CAPN9: variants seen among roughly 807,000 people sequenced by gnomAD.
The protein encoded by CAPN9 is calpain-9.
A neutral mutation model predicts 92.8 loss-of-function variants in CAPN9; 81 were observed. That is an observed-to-expected ratio of 0.87 (90% CI 0.73 to 1.05). The LOEUF (loss-of-function observed/expected upper bound fraction) is 1.05. Among genes scored for constraint, CAPN9 ranks in the 50% least tolerant of loss-of-function variants. The pLI, the probability that CAPN9 is intolerant of heterozygous loss-of-function variation, is 0.00. For synonymous variants in CAPN9, 304 were observed against 328.0 expected (o/e 0.93, Z 0.79); for missense variants, 848 against 866.2 (o/e 0.98, Z 0.26).
chr1:230,769,319 C>T (rs1666227230), intron 6 of CAPN9, 56 bp downstream of exon 6: 1 of 1,250,206 alleles, frequency 8.0e-7, no homozygotes, highest in African/African-American at 1.5e-5. Flanking sequence ...CAATGCTAAT[C>T]CCTTAGGCAT....
At chr1:230,780,765 G>A in intron 11 of CAPN9, 57 bp downstream of exon 11, 1 of 1,428,574 alleles carries the variant, frequency 7.0e-7, no homozygotes. Flanking sequence ...TATTCACACA[G>A]AAGTCACCTG....
chr1:230,801,447 G>A (rs1223932457), intron 19 of CAPN9, 123 bp from the exon 20 acceptor site: 2 of 889,362 alleles, frequency 2.2e-6, no homozygotes, highest in East Asian at 4.8e-5. Flanking sequence ...ATCCAAGTTG[G>A]CAGGCAAAAT....
intron 11 of CAPN9, 43 bp downstream of exon 11, chr1:230,780,751 G>T: frequency 6.5e-7 from 1 of 1,546,102 alleles, no homozygotes; most frequent in South Asian, 1.1e-5. Context: ...TTCTTTTAGT[G>T]GTTTATTCAC....
At position 230,800,293 on chromosome 1, in the gene CAPN9, A is replaced by C. The variant is rs1007635943; in HGVS notation, c.2047-1277A>C. ...AAGAAAGAAAGAAAGAAAGAAAGAA[A>C]GAAAGAAAGAAAGGAAAAACAAGAG... On this transcript the variant is annotated intron_variant, in intron 19 of 19. Transcript: ENST00000271971. Among the ~76,000 whole-genome samples, 194 of 112,106 alleles carry C rather than the reference A, an allele frequency of 1.7e-3. 7 individuals carry two copies. The highest frequency in any genetic ancestry group is 1.8e-3 in the Admixed American group (20 of 11,292). The allele number at this position is 112,106 out of a possible 152,430, so 73.5% of individuals were successfully genotyped here.
intron 1 of CAPN9, among the ~76,000 whole-genome samples, chr1:230,751,667 GAAAGAA>G (rs1338947796): frequency 0.021 from 1,295 of 61,696 alleles, 88 homozygotes; most frequent in African/African-American, 0.048. Context: ...AAGAAAGAAA[GAAAGAA>G]AGAAAGAAAG....
At position 230,772,087 on chromosome 1, in the gene CAPN9, C is replaced by G; in HGVS notation, c.863C>G (p.Ser288Trp). The change falls in exon 7 of 20, where the codon TCG becomes TGG. Residue 288 changes from serine (S) to tryptophan (W), a missense_variant. Physicochemically the swap from Ser to Trp is radical, Grantham distance 177 (BLOSUM62 -3). Transcript: ENST00000271971. Reference protein sequence around the residue: ...NPWGQVEWNGSWSDSSPEWRS... With the variant: ...NPWGQVEWNGWWSDSSPEWRS... ...TGGGGCCAGGTTGAGTGGAACGGGT[C>G]GTGGAGCGACAGGTCAGTCACCCTA... is the stretch of plus-strand genomic sequence containing the variant. The G allele has an allele frequency of 2.5e-6, 4 of 1,614,134 alleles. No homozygotes were observed. Among genetic ancestry groups the G allele is most frequent in the Non-Finnish European group, 3.4e-6 (4 of 1,179,964 alleles).
chr1:230,782,253 G>C (rs1465808238), intron 11 of CAPN9, among the ~76,000 whole-genome samples: 1 of 152,204 alleles, frequency 6.6e-6, no homozygotes, highest in Non-Finnish European at 1.5e-5. Context: ...AATCAGCTCT[G>C]TAGCTTGGTA....
chr1:230,790,029 C>T (rs763172243), intron 13 of CAPN9, 103 bp from the exon 14 acceptor site: 1 of 903,746 alleles, frequency 1.1e-6, no homozygotes, highest in East Asian at 2.6e-5. Context: ...GAAGGCTGGT[C>T]TGTCACTGGA....
At chr1:230,790,306 A>C in intron 14 of CAPN9, 117 bp downstream of exon 14, 1 of 1,400,752 alleles carries the variant, frequency 7.1e-7, no homozygotes, top group Non-Finnish European at 9.3e-7. Context: ...GCTGATTTGT[A>C]GGTAGACTTT....
intron 2 of CAPN9, 99 bp downstream of exon 2, chr1:230,755,505 G>A (rs917506303): frequency 4.4e-5 from 37 of 841,774 alleles, no homozygotes; most frequent in Non-Finnish European, 6.6e-5. Flanking sequence ...AGAGGCACGG[G>A]GCTGGGGGAA....
chr1:230,769,401 G>T, intron 6 of CAPN9, 138 bp downstream of exon 6: 1 of 638,842 alleles, frequency 1.6e-6, no homozygotes. Context: ...AAAGAGGCAG[G>T]CTGGAATTCA....
At chr1:230,766,658 G>T (rs994283143) in intron 4 of CAPN9, among the ~76,000 whole-genome samples, 1 of 152,190 alleles carries the variant, frequency 6.6e-6, no homozygotes, top group Non-Finnish European at 1.5e-5. Flanking sequence ...AACTAAAGAA[G>T]CCCAAATAAG....
intron 12 of CAPN9, among the ~76,000 whole-genome samples, chr1:230,787,205 T>C (rs12038826): frequency 0.07 from 10,605 of 152,222 alleles, 399 homozygotes; most frequent in African/African-American, 0.087. Flanking sequence ...TGGTAAGAAG[T>C]AAGCCAGAGG....
In CAPN9 at chr1:230,792,224, G is replaced by A. The variant is rs12739697; in HGVS notation, c.1723-202G>A. 0.032 allele frequency among the ~76,000 whole-genome samples: 4,808 copies of A among 152,170 alleles called. 126 individuals carry two copies. The highest frequency in any genetic ancestry group is 0.041 in the Non-Finnish European group (2,807 of 68,010). Reference sequence around the variant, plus strand: ...AGAGTTCTGTTTTTGTGAACTTTCCGGGACCACCCCCATTCCACTTCTGCC... The same window carrying A: ...AGAGTTCTGTTTTTGTGAACTTTCCAGGACCACCCCCATTCCACTTCTGCC... On this transcript the variant is annotated intron_variant, in intron 15 of 19. Transcript: ENST00000271971.
At chr1:230,769,614 CACCTATCTATCTATCT>C (rs146545875) in intron 6 of CAPN9, among the ~76,000 whole-genome samples, 7,955 of 149,892 alleles carry the variant, frequency 0.053, 310 homozygotes, top group South Asian at 0.11. Context: ...AACACACACA[CACCTATCTATCTATCT>C]ATCTATCTAT....
intron 2 of CAPN9, among the ~76,000 whole-genome samples, chr1:230,755,856 C>G (rs1337105035): frequency 6.6e-6 from 1 of 152,146 alleles, no homozygotes; most frequent in African/African-American, 2.4e-5. Context: ...AGGTGGTAGA[C>G]AGGCAATCAG....
chr1:230,795,456 C>T (rs763967753), intron 18 of CAPN9, 177 bp downstream of exon 18: 3 of 558,594 alleles, frequency 5.4e-6, no homozygotes, highest in Non-Finnish European at 9.7e-6. Context: ...AATGTGCCAG[C>T]CTCCCCTGCA....
chr1:230,774,735 CTTTCT>C lies in CAPN9; in HGVS notation c.953+108_953+112del, dbSNP rs1429759483. ...CTCTCGCTTTCCTTTTTCTTTCTTT[CTTTCT>C]TTTTTTTTTTTTTTTTTTGAGACGG... On this transcript the variant is annotated intron_variant, in intron 8 of 19. Transcript: ENST00000271971. 1,835 of 589,564 alleles carry C rather than the reference CTTTCT, an allele frequency of 3.1e-3. 1 individual carries two copies. The highest frequency in any genetic ancestry group is 3.7e-3 in the Non-Finnish European group (1,290 of 349,600). The allele number at this position is 589,564 out of a possible 1,614,324, so 36.5% of individuals were successfully genotyped here.
In CAPN9 at chr1:230,751,658, AGAAAGAAAGAAAGAAAGAAAGAAAGAAG is replaced by A. The variant is rs1392313724; in HGVS notation, c.214-3677_214-3650del. 7.9e-5 allele frequency among the ~76,000 whole-genome samples: 5 copies of A among 62,992 alleles called. No homozygotes were observed. In the East Asian group the frequency reaches 1.0e-3, roughly 13 times the overall value. 41.3% of individuals were successfully genotyped at this position (62,992 alleles called of 152,430 possible). A position where few individuals can be genotyped will look rare whatever the true frequency, so the allele number is the denominator to read the frequency against. On this transcript the variant is annotated intron_variant, in intron 1 of 19. Transcript: ENST00000271971. ...AAGAAAGAAAGAAAGAAAGAAAGAAAGAAAGAAAGAAAGAAAGAAAGAAAGAAGGGTGGCTTTTCCCTTTGTGAATTAT... is the reference window on the plus strand; with the variant it reads ...AAGAAAGAAAGAAAGAAAGAAAGAAAGGTGGCTTTTCCCTTTGTGAATTAT...
Sources: allele counts gnomAD v4.1 joint callset (sites outside exome capture counted in the v4.1 genomes callset), GRCh38; gene constraint gnomAD v4.1.1; transcripts MANE v1.5; gene names NCBI Gene and HGNC (gene_info 2026-07-23, HGNC 2026-07-21).